CPSF1: variants seen among roughly 807,000 people sequenced by gnomAD.
The protein encoded by CPSF1 is cleavage and polyadenylation specific factor 1.
A neutral mutation model predicts 175.8 loss-of-function variants in CPSF1; 106 were observed. The observed-to-expected ratio is 0.60, with a 90% CI of 0.52 to 0.71. The LOEUF (loss-of-function observed/expected upper bound fraction) is 0.71, where lower values mean the gene tolerates loss of function less well. Ranked by LOEUF, CPSF1 falls within the 30% of genes least tolerant of loss-of-function variation. CPSF1 has a pLI of 0.00. For synonymous variants in CPSF1, 1,024 were observed against 858.3 expected (o/e 1.19, Z -3.37); for missense variants, 1,734 against 2,022.9 (o/e 0.86, Z 2.74).
rs782136059 is a variant in CPSF1 at position 144,397,263 on chromosome 8, C to T, written c.2536G>A (p.Val846Ile). Residue 846 changes from valine to isoleucine, a missense_variant, in exon 23 of 38, where the codon GTC becomes ATC. Val to Ile is a conservative substitution (Grantham distance 29). Around this residue, in one of 10 missense-constraint regions of CPSF1, gnomAD observed 585 missense variants for 584.7 expected, o/e 1.00. Coordinates refer to ENST00000616140, the MANE Select transcript of CPSF1 (RefSeq NM_013291.3). ...EATRQGELPL[V>I]KEVLLVALGS... is the part of the protein sequence containing the mutation. ...AGCGCCACCAGCAGCACCTCCTTGA[C>T]GAGGGGCAGCTCCCCCTGGCGCGTG... is the stretch of plus-strand genomic sequence containing the variant. The T allele has an allele frequency of 1.1e-5, 17 of 1,549,770 alleles. No individual in the cohort carries two copies. The highest frequency in any genetic ancestry group is 7.3e-5 in the East Asian group (3 of 41,070).
intron 17 of CPSF1, 69 bp downstream of exon 17, chr8:144,398,710 C>A: frequency 6.3e-7 from 1 of 1,596,316 alleles, no homozygotes. Flanking sequence ...GCGACCTGGG[C>A]ACCCCCGGCC....
Position 144,394,489 on chromosome 8 carries a change from T to G in CPSF1, c.3634A>C (p.Ile1212Leu). 6.2e-7 allele frequency: 1 copy of G among 1,609,646 alleles called. No homozygotes were observed. Among genetic ancestry groups the G allele is most frequent in the Non-Finnish European group, 8.5e-7 (1 of 1,178,714 alleles). Residue 1212 changes from isoleucine (I) to leucine (L), a missense_variant, in exon 32 of 38, where the codon ATA becomes CTA. Ile to Leu is a conservative substitution (Grantham distance 5, BLOSUM62 2). This residue lies in a region of CPSF1 where 62 missense variants were observed against 124.5 expected (regional missense o/e 0.50). Transcript: ENST00000616140. ...TTCTTGACGCTGATCATCTGGTGTATGTAGAGCTGCGTGTCGATGAAGGCC... is the reference window on the plus strand; with the variant it reads ...TTCTTGACGCTGATCATCTGGTGTAGGTAGAGCTGCGTGTCGATGAAGGCC... ...GMAFIDTQLYIHQMISVKNFI... is the reference protein window; with the variant it reads ...GMAFIDTQLYLHQMISVKNFI...
chr8:144,405,208 C>G, intron 2 of CPSF1, among the ~76,000 whole-genome samples: 1 of 152,232 alleles, frequency 6.6e-6, no homozygotes, highest in Admixed American at 6.5e-5. Context: ...AACCAAGCAT[C>G]AAAGCATCAG....
Position 144,395,457 on chromosome 8 carries a change from A to G in CPSF1, c.3074T>C (p.Val1025Ala). Residue 1025 changes from valine to alanine, a missense_variant, in exon 27 of 38, where the codon GTG becomes GCG. Val to Ala is a moderately conservative substitution (Grantham distance 64). Around this residue, in one of 10 missense-constraint regions of CPSF1, gnomAD observed 585 missense variants for 584.7 expected, o/e 1.00. Coordinates refer to ENST00000616140, the MANE Select transcript of CPSF1 (RefSeq NM_013291.3). ...GACCTTAGACTCCACGTGGTAAGCC[A>G]CATAGTGGGCCGTGCAGCGCAGCGG... ...KIPLRCTAHY[V>A]AYHVESKVYA... The G allele has an allele frequency of 6.2e-7, 1 of 1,612,972 alleles. No individual in the cohort carries two copies. The highest frequency in any genetic ancestry group is 8.5e-7 in the Non-Finnish European group (1 of 1,179,914).
intron 2 of CPSF1, among the ~76,000 whole-genome samples, chr8:144,406,140 T>G (rs2116904151): frequency 6.7e-6 from 1 of 148,360 alleles, no homozygotes; most frequent in Admixed American, 6.9e-5. Context: ...CTGGACAACA[T>G]AGCAAGACCC....
chr8:144,402,100 C>T (rs1821240742), intron 2 of CPSF1, among the ~76,000 whole-genome samples: 1 of 152,212 alleles, frequency 6.6e-6, no homozygotes, highest in South Asian at 2.1e-4. Flanking sequence ...GATCTGCGTG[C>T]CTGTTAGAGA....
chr8:144,402,286 TTTTTG>T (rs2116890267), intron 2 of CPSF1, among the ~76,000 whole-genome samples: 6 of 152,012 alleles, frequency 3.9e-5, no homozygotes, highest in Non-Finnish European at 8.8e-5. Flanking sequence ...GGAAAAGTGG[TTTTTG>T]TTTTGTTTTT....
Position 144,401,202 on chromosome 8 carries a change from C to A in CPSF1, c.387+9G>T. The A allele has an allele frequency of 1.9e-6, 3 of 1,549,136 alleles. No individual in the cohort carries two copies. The highest frequency in any genetic ancestry group is 2.6e-6 in the Non-Finnish European group (3 of 1,146,720). On this transcript the variant is annotated intron_variant, in intron 5 of 37. Transcript: ENST00000616140. The stretch of plus-strand genomic sequence containing the variant: ...CGGGGCCTGGGCGGGGGCGGGAGCG[C>A]GGCCCTACCCGAAGCTCAGGCTCCT...
rs2116861967 is a variant in CPSF1, at chr8:144,399,375, T to C, written c.1295-2A>G. ...CCTGCGGCACCGACTTACCCGCAGC[T>C]GCACACAGAGAGCCCACTTGAGCGC... On this transcript the variant is annotated splice_acceptor_variant, in intron 13 of 37. Coordinates refer to ENST00000616140, the MANE Select transcript of CPSF1 (RefSeq NM_013291.3). LOFTEE classifies it high-confidence loss of function. The surrounding 1 kb of genome is among the most constrained non-coding windows in gnomAD (Gnocchi z 6.4). The C allele has an allele frequency of 1.2e-6, 2 of 1,612,856 alleles. No homozygotes were observed. Among genetic ancestry groups the C allele is most frequent in the East Asian group, 4.5e-5 (2 of 44,878 alleles).
At chr8:144,396,301 G>A (rs1554863658) in intron 26 of CPSF1, 47 bp downstream of exon 26, 1 of 1,546,478 alleles carries the variant, frequency 6.5e-7, no homozygotes, top group East Asian at 2.3e-5. Flanking sequence ...TCAGCCCCCA[G>A]CTGGGGCAGC....
At position 144,397,655 on chromosome 8, in the gene CPSF1, T is replaced by C; in HGVS notation, c.2217A>G (p.Thr739=). 1 of 1,537,418 alleles carries C rather than the reference T, an allele frequency of 6.5e-7. No individual in the cohort carries two copies. The change falls in exon 22 of 38, where the codon ACA becomes ACG. Residue 739 remains threonine (T), a synonymous_variant. Transcript: ENST00000616140. Reference sequence around the variant, plus strand: ...ACAGCATCTCCTCCTCGTCATCCACTGTGGGGCTGGGGGCCAGCAGAAGGT... The same window carrying C: ...ACAGCATCTCCTCCTCGTCATCCACCGTGGGGCTGGGGGCCAGCAGAAGGT... ...AEGLGSETSP[T]VDDEEEMLYG...
At chr8:144,404,107 C>T (rs1434569854) in intron 2 of CPSF1, among the ~76,000 whole-genome samples, 2 of 151,692 alleles carry the variant, frequency 1.3e-5, no homozygotes, top group African/African-American at 2.4e-5. Flanking sequence ...CCTGTAGTCC[C>T]AGCTACTCAG....
intron 23 of CPSF1, 72 bp downstream of exon 23, chr8:144,397,135 G>A: frequency 7.1e-7 from 1 of 1,407,594 alleles, no homozygotes; most frequent in Non-Finnish European, 9.6e-7. Context: ...CCACGGGAAG[G>A]GGCGGGGCTG....
chr8:144,402,234 TTAAC>T (rs1821252584), intron 2 of CPSF1, among the ~76,000 whole-genome samples: 1 of 152,248 alleles, frequency 6.6e-6, no homozygotes, highest in Admixed American at 6.5e-5. Flanking sequence ...GGTAGCTAGT[TTAAC>T]TAGCTAGCAG....
chr8:144,396,413 C>T lies in CPSF1; in HGVS notation c.2914G>A (p.Val972Ile). 6.3e-7 allele frequency: 1 copy of T among 1,591,388 alleles called. No individual in the cohort carries two copies. The highest frequency in any genetic ancestry group is 2.3e-5 in the East Asian group (1 of 44,170). ...RLHPMAIDGP[V>I]DSFAPFHNVN... is the part of the protein sequence containing the mutation. ...TTGTGGAATGGAGCGAAAGAGTCGACCGGGCCGTCGATGGCCATGGGGTGT... is the reference window on the plus strand; with the variant it reads ...TTGTGGAATGGAGCGAAAGAGTCGATCGGGCCGTCGATGGCCATGGGGTGT... The change falls in exon 26 of 38, where the codon GTC becomes ATC. Residue 972 changes from valine to isoleucine, a missense_variant. Physicochemically the swap from Val to Ile is conservative, Grantham distance 29. Transcript: ENST00000616140.
chr8:144,397,230 G>A lies in CPSF1; in HGVS notation c.2569C>T (p.Arg857Cys), dbSNP rs367620586. ...ACCAGCAGGTAGGGCCTGCTCTGGC[G>A]GCTGCCCAGCGCCACCAGCAGCACC... The part of the protein sequence containing the change: ...KEVLLVALGS[R>C]QSRPYLLVHV... The change falls in exon 23 of 38, where the codon CGC becomes TGC. Residue 857 changes from arginine (R) to cysteine (C), a missense_variant. By Grantham distance (180) the Arg-to-Cys change is radical (BLOSUM62 -3). This residue lies in a region of CPSF1 where 585 missense variants were observed against 584.7 expected (regional missense o/e 1.00). Transcript: ENST00000616140. The A allele has an allele frequency of 1.6e-4, 255 of 1,547,548 alleles. 1 individual carries two copies. The highest frequency in any genetic ancestry group is 2.9e-4 in the East Asian group (12 of 41,036).
At position 144,397,954 on chromosome 8, in the gene CPSF1, A is replaced by G. The variant is rs781882645; in HGVS notation, c.2073T>C (p.His691=). 4 of 1,606,006 alleles carry G rather than the reference A, an allele frequency of 2.5e-6. No individual in the cohort carries two copies. In the South Asian group the frequency reaches 3.3e-5, roughly 13 times the overall value. ...GGGCGCCGGGAATGAGGGGGCCTAC[A>G]TGGTGCAGCGGGGGCTTGTGCAGCG... is the stretch of plus-strand genomic sequence containing the variant. The part of the protein sequence containing the change: ...RLALHKPPLH[H]QSKVITLCLY... Residue 691 remains histidine, a splice_region_variant and synonymous_variant, in exon 20 of 38, where the codon CAT becomes CAC. Transcript: ENST00000616140.
At chr8:144,400,135 G>GGGGGGGCCCCCCCCCCCCCCCCCCCCC in intron 9 of CPSF1, 31 bp downstream of exon 9, 7 of 896,002 alleles carry the variant, frequency 7.8e-6, no homozygotes, top group Non-Finnish European at 9.6e-6. Flanking sequence ...CCGTCCCCGG[G>GGGGGGGCCCCCCCCCCCCCCCCCCCCC]CCCCCCCCGC....
chr8:144,400,147 C>CCG lies in CPSF1; in HGVS notation c.937+18_937+19insCG. The CCG allele has an allele frequency of 7.0e-7, 1 of 1,426,004 alleles. No homozygotes were observed. 88.3% of individuals were successfully genotyped at this position (1,426,004 alleles called of 1,614,324 possible). ...AAGCCGTCCCCGGGCCCCCCCCGCC[C>CCG]CAGCCACCCCACACTCACGAAGCGG... On this transcript the variant is annotated intron_variant, in intron 9 of 37. Transcript: ENST00000616140.
Sources: gnomAD v4.1 joint callset for allele counts (sites outside exome capture counted in the v4.1 genomes callset) on GRCh38, gnomAD v4.1.1 for gene constraint, gnomAD v4.1.1 regional missense constraint, Gnocchi (gnomAD v3.1) non-coding constraint, MANE v1.5 for transcripts, NCBI Gene and HGNC (gene_info 2026-07-23, HGNC 2026-07-21) for gene names.